The following PREX1 variants were observed in gnomAD, a reference collection of about 807,000 sequenced individuals.
The protein encoded by PREX1 is phosphatidylinositol-3,4,5-trisphosphate dependent Rac exchange factor 1.
In PREX1, 41 loss-of-function variants were observed where a neutral mutation model predicts 198.3. The ratio of observed to expected loss-of-function variants is 0.21; its 90% CI spans 0.16 to 0.27. The LOEUF is 0.27. Ranked by LOEUF, PREX1 falls within the 10% of genes least tolerant of loss-of-function variation. The pLI, the probability that PREX1 is intolerant of heterozygous loss-of-function variation, is 1.00. For synonymous variants in PREX1, 843 were observed against 887.2 expected, an observed-to-expected ratio of 0.95 and a Z score of 0.89; for missense variants, 1,620 against 2,200.7, an observed-to-expected ratio of 0.74 and a Z score of 5.28.
At chr20:48,630,881 G>A (rs186354280) in intron 35 of PREX1, 87 bp from the exon 36 acceptor site, 110 of 1,000,948 alleles carry the variant, frequency 1.1e-4, no homozygotes, top group Non-Finnish European at 1.5e-4. Flanking sequence ...TGCAGCCACC[G>A]TGACTCCGCC....
At chr20:48,781,854 C>G (rs1176724321) in intron 1 of PREX1, among the ~76,000 whole-genome samples, 1 of 152,236 alleles carries the variant, frequency 6.6e-6, no homozygotes, top group African/African-American at 2.4e-5. Flanking sequence ...CTATTAGGCC[C>G]TATTTCCTGT....
Position 48,636,655 on chromosome 20 carries a change from C to A in PREX1, c.3975G>T (p.Ala1325=). 5 of 1,609,132 alleles carry A rather than the reference C, an allele frequency of 3.1e-6. No homozygotes were observed. The highest frequency in any genetic ancestry group is 4.2e-6 in the Non-Finnish European group (5 of 1,178,420). Residue 1325 remains alanine, a synonymous_variant, in exon 32 of 40, where the codon GCG becomes GCT. Coordinates refer to ENST00000371941, the MANE Select transcript of PREX1 (RefSeq NM_020820.4). ...CGGCCACCAGGGCCTGGCAGAAGATCGCGTCTCTGCGCAGCTGCAGCTCCG... is the reference window on the plus strand; with the variant it reads ...CGGCCACCAGGGCCTGGCAGAAGATAGCGTCTCTGCGCAGCTGCAGCTCCG... ...TDTELQLRRD[A]IFCQALVAAV... is the part of the protein sequence containing the mutation.
chr20:48,777,898 C>T (rs2090270436), intron 1 of PREX1, among the ~76,000 whole-genome samples: 1 of 152,044 alleles, frequency 6.6e-6, no homozygotes, highest in African/African-American at 2.4e-5. Context: ...TTTCAGATCC[C>T]ACAGCCAGAG....
At chr20:48,752,530 A>T (rs1014416836) in intron 1 of PREX1, among the ~76,000 whole-genome samples, 1 of 152,168 alleles carries the variant, frequency 6.6e-6, no homozygotes, top group South Asian at 2.1e-4. Context: ...GGTGCGGAAG[A>T]AGTAAGACTG....
intron 3 of PREX1, among the ~76,000 whole-genome samples, chr20:48,735,882 C>G (rs912731037): frequency 1.4e-4 from 22 of 151,982 alleles, no homozygotes; most frequent in African/African-American, 4.8e-4. Flanking sequence ...AGGCAAATAC[C>G]CAGGGTACAA....
At chr20:48,746,979 CACACACACACACACACACACACACACACA>C (rs2090110958) in intron 2 of PREX1, among the ~76,000 whole-genome samples, 1 of 148,342 alleles carries the variant, frequency 6.7e-6, no homozygotes, top group African/African-American at 2.5e-5. Flanking sequence ...CACACACACA[CACACACACACACACACACACACACACACA>C]CACCCCACCC....
chr20:48,829,034 C>T (rs1422077853), upstream of PREX1, among the ~76,000 whole-genome samples: 1 of 152,148 alleles, frequency 6.6e-6, no homozygotes, highest in Non-Finnish European at 1.5e-5. Context: ...GTGTTTTCAT[C>T]AGTATAACGG....
intron 7 of PREX1, among the ~76,000 whole-genome samples, chr20:48,695,363 T>C (rs2089840019): frequency 6.6e-6 from 1 of 152,194 alleles, no homozygotes; most frequent in Admixed American, 6.5e-5. Context: ...TTCCTTCCAG[T>C]GTGGTGCTGC....
Position 48,792,853 on chromosome 20 carries a change from C to CACAT in PREX1, c.219+34788_219+34789insATGT, listed in dbSNP as rs1256864071. Among the ~76,000 whole-genome samples, 153 of 145,352 alleles carry CACAT rather than the reference C, an allele frequency of 1.1e-3. 5 individuals are homozygous for CACAT. Among genetic ancestry groups the CACAT allele is most frequent in the South Asian group, 4.3e-3 (20 of 4,656 alleles). ...ACACACACACACACACACACACACA[C>CACAT]ATAGTATGATTCCATTTATATCCAT... On this transcript the variant is annotated intron_variant, in intron 1 of 39. Coordinates refer to ENST00000371941, the MANE Select transcript of PREX1 (RefSeq NM_020820.4).
In PREX1 at chr20:48,753,985, G is replaced by A. The variant is rs1601115242; in HGVS notation, c.220-6105C>T. Among the ~76,000 whole-genome samples, 3 of 152,158 alleles carry A rather than the reference G, an allele frequency of 2.0e-5. No individual in the cohort carries two copies. In the South Asian group the frequency reaches 6.2e-4, roughly 31 times the overall value. On this transcript the variant is annotated intron_variant, in intron 1 of 39. Transcript: ENST00000371941. Reference sequence around the variant, plus strand: ...TCACTAAAGTATCAGCTCCCTCAGGGCAGAAGTCAATTTCCTTGGCCGTCT... The same window carrying A: ...TCACTAAAGTATCAGCTCCCTCAGGACAGAAGTCAATTTCCTTGGCCGTCT...
the PREX1 span, among the ~76,000 whole-genome samples, chr20:48,880,125 G>A: frequency 6.6e-6 from 1 of 152,116 alleles, no homozygotes; most frequent in Non-Finnish European, 1.5e-5. Context: ...GTTTTCTGTT[G>A]CTGTTCTTTG....
intron 4 of PREX1, among the ~76,000 whole-genome samples, chr20:48,728,699 C>T (rs145109449): frequency 2.0e-3 from 311 of 152,272 alleles, no homozygotes; most frequent in African/African-American, 7.1e-3. Context: ...TTCTAGAAGC[C>T]CCCAGGGCTT....
chr20:48,855,324 T>C, the PREX1 span, among the ~76,000 whole-genome samples: 5 of 152,108 alleles, frequency 3.3e-5, no homozygotes, highest in African/African-American at 1.2e-4. Context: ...CTTTATTTTT[T>C]GGTTTTGGTT....
intron 1 of PREX1, among the ~76,000 whole-genome samples, chr20:48,773,485 C>T (rs919892113): frequency 3.9e-5 from 6 of 152,146 alleles, no homozygotes; most frequent in African/African-American, 1.4e-4. Flanking sequence ...CAGGACAGAA[C>T]CTCTGGGACC....
At chr20:48,639,231 G>A (rs2122851973) in intron 30 of PREX1, among the ~76,000 whole-genome samples, 1 of 152,362 alleles carries the variant, frequency 6.6e-6, no homozygotes, top group East Asian at 1.9e-4. Context: ...ACCAAGGGAG[G>A]ATGGGAGACT....
intron 6 of PREX1, among the ~76,000 whole-genome samples, chr20:48,703,714 G>A (rs929123182): frequency 2.0e-5 from 3 of 152,198 alleles, no homozygotes; most frequent in Non-Finnish European, 2.9e-5. Context: ...CCGTCTCGGG[G>A]GACCTAGGAG....
At chr20:48,760,159 T>C (rs908450028) in intron 1 of PREX1, among the ~76,000 whole-genome samples, 1 of 151,664 alleles carries the variant, frequency 6.6e-6, no homozygotes, top group Non-Finnish European at 1.5e-5. Flanking sequence ...CTTGAGTTTC[T>C]AGAGTGTCTG....
chr20:48,798,554 TC>T (rs2090372818), intron 1 of PREX1, among the ~76,000 whole-genome samples: 1 of 152,098 alleles, frequency 6.6e-6, no homozygotes, highest in Non-Finnish European at 1.5e-5. Context: ...AGCACCAGCC[TC>T]CCCGCTGCAC....
At chr20:48,876,138 G>T in the PREX1 span, among the ~76,000 whole-genome samples, 3 of 152,168 alleles carry the variant, frequency 2.0e-5, no homozygotes, top group Non-Finnish European at 4.4e-5. Flanking sequence ...GACTTTTGGG[G>T]AGGCCAAGGT....
Sources: gnomAD v4.1 joint callset for allele counts (sites outside exome capture counted in the v4.1 genomes callset) on GRCh38, gnomAD v4.1.1 for gene constraint, MANE v1.5 for transcripts, NCBI Gene and HGNC (gene_info 2026-07-23, HGNC 2026-07-21) for gene names.